The following UBAP1L variants were observed in gnomAD, a reference collection of about 807,000 sequenced individuals.
UBAP1L encodes the protein ubiquitin-associated protein 1-like.
Under a neutral mutation model 32.1 loss-of-function variants are expected in UBAP1L, and 32 were observed. The observed-to-expected ratio is 1.00, with a 90% confidence interval of 0.75 to 1.34. The LOEUF (loss-of-function observed/expected upper bound fraction) is 1.34, where lower values mean the gene tolerates loss of function less well. Among genes scored for constraint, UBAP1L ranks in the 40% most tolerant of loss-of-function variants. The pLI is 0.00. For missense variants in UBAP1L, 516 were observed against 540.5 expected (o/e 0.95, Z 0.45); for synonymous variants, 243 against 250.2 (o/e 0.97, Z 0.27).
chr15:65,113,074 A>C (rs1462247875), intron 1 of UBAP1L, among the ~76,000 whole-genome samples: 1 of 152,054 alleles, frequency 6.6e-6, no homozygotes, highest in East Asian at 1.9e-4. Flanking sequence ...TCAAAACCAA[A>C]ACTAAGCCAC....
At chr15:65,113,849 G>A (rs1369032852) in intron 1 of UBAP1L, among the ~76,000 whole-genome samples, 1 of 152,086 alleles carries the variant, frequency 6.6e-6, no homozygotes. Flanking sequence ...TCTCAAACTT[G>A]GTCAGGTCTA....
At chr15:65,109,440 G>A (rs528579604) in intron 1 of UBAP1L, among the ~76,000 whole-genome samples, 48 of 116,568 alleles carry the variant, frequency 4.1e-4, no homozygotes, top group Admixed American at 3.5e-3. Flanking sequence ...CCGAGATCAC[G>A]CCACTGCACT....
Position 65,102,025 on chromosome 15 carries a change from G to T in UBAP1L, c.699+81C>A. On this transcript the variant is annotated intron_variant, in intron 3 of 5. Transcript: ENST00000559089. The surrounding 1 kb of genome is among the most constrained non-coding windows in gnomAD (Gnocchi z 5.0). Reference sequence around the variant, plus strand: ...GGAGCGCGTGGAGTAGGGGACCGAGGCTGCGGGCTGGGCTGGACACCCAGA... The same window carrying T: ...GGAGCGCGTGGAGTAGGGGACCGAGTCTGCGGGCTGGGCTGGACACCCAGA... The T allele has an allele frequency of 1.7e-6, 1 of 572,062 alleles. No individual in the cohort carries two copies. The highest frequency in any genetic ancestry group is 2.5e-6 in the Non-Finnish European group (1 of 397,142). 35.4% of individuals were successfully genotyped at this position (572,062 alleles called of 1,614,324 possible). A position where few individuals can be genotyped will look rare whatever the true frequency, so the allele number is the denominator to read the frequency against.
intron 4 of UBAP1L, 144 bp downstream of exon 4, chr15:65,099,361 C>G (rs780410889): frequency 8.2e-6 from 7 of 849,940 alleles, no homozygotes; most frequent in Non-Finnish European, 1.3e-5. Flanking sequence ...TTAGGACAAC[C>G]CTGAGGGGCC....
intron 1 of UBAP1L, among the ~76,000 whole-genome samples, chr15:65,108,472 C>T (rs1160595102): frequency 3.9e-5 from 6 of 152,150 alleles, no homozygotes; most frequent in Admixed American, 2.6e-4. Context: ...GGGCCAGGCA[C>T]GTTGGCTCAT....
intron 3 of UBAP1L, chr15:65,100,006 G>C (rs1298257570): frequency 4.3e-6 from 1 of 234,258 alleles, no homozygotes; most frequent in Non-Finnish European, 8.3e-6. Flanking sequence ...CACTTTGGGA[G>C]GCCAAGGCAG....
intron 4 of UBAP1L, chr15:65,097,011 C>T (rs2087181888): frequency 6.6e-6 from 1 of 152,276 alleles, no homozygotes; most frequent in Non-Finnish European, 1.5e-5. Context: ...GACAGAAATA[C>T]TAACTTGGTG....
At chr15:65,106,036 C>G in intron 2 of UBAP1L, 60 bp downstream of exon 2, 1 of 1,542,506 alleles carries the variant, frequency 6.5e-7, no homozygotes, top group Non-Finnish European at 8.7e-7. Context: ...GGAACAAGGC[C>G]CCATGGACTC....
intron 4 of UBAP1L, chr15:65,098,564 G>A (rs534137330): frequency 2.6e-5 from 4 of 152,302 alleles, no homozygotes; most frequent in South Asian, 2.1e-4. Flanking sequence ...AGGTGGAAGT[G>A]ACTATGTACA....
In UBAP1L at chr15:65,109,536, A is replaced by T. The variant is rs138772409; in HGVS notation, c.-173-3148T>A. Among the ~76,000 whole-genome samples the T allele has an allele frequency of 4.3e-4, 65 of 151,852 alleles. 1 individual carries two copies. The East Asian group carries it at 0.012, about 29-fold the overall frequency. Reference sequence around the variant, plus strand: ...ATTCATCAGAATATACCATTAAGAGAGTTAAAACAAAAACAAAAACAAATC... The same window carrying T: ...ATTCATCAGAATATACCATTAAGAGTGTTAAAACAAAAACAAAAACAAATC... On this transcript the variant is annotated intron_variant, in intron 1 of 5. Coordinates refer to ENST00000559089, the MANE Select transcript of UBAP1L (RefSeq NM_001163692.2).
Position 65,102,265 on chromosome 15 carries a change from G to T in UBAP1L, c.540C>A (p.Gly180=), listed in dbSNP as rs1280783799. 3 of 1,317,474 alleles carry T rather than the reference G, an allele frequency of 2.3e-6. No individual in the cohort carries two copies. Among genetic ancestry groups the T allele is most frequent in the African/African-American group, 3.1e-5 (2 of 63,540 alleles). The allele number at this position is 1,317,474 out of a possible 1,614,324, so 81.6% of individuals were successfully genotyped here. ...RPRALLHGLR[G]HRALSLCPSP... ...TCGGGCACAGGCTCAGCGCGCGGTG[G>T]CCGCGGAGGCCATGCAGGAGGGCGC... Residue 180 remains glycine, a synonymous_variant, in exon 3 of 6, where the codon GGC becomes GGA. Transcript: ENST00000559089. The surrounding 1 kb of genome is among the most constrained non-coding windows in gnomAD (Gnocchi z 5.0).
intron 4 of UBAP1L, chr15:65,097,287 C>T (rs181925863): frequency 7.9e-5 from 12 of 152,450 alleles, no homozygotes; most frequent in African/African-American, 2.9e-4. Flanking sequence ...CCTGAAGGGA[C>T]TGGGGAGGCA....
chr15:65,114,894 T>G (rs1459423333), intron 1 of UBAP1L, among the ~76,000 whole-genome samples: 1 of 152,186 alleles, frequency 6.6e-6, no homozygotes, highest in Non-Finnish European at 1.5e-5. Flanking sequence ...ACTCTTCATG[T>G]GTGGCCAGAT....
At chr15:65,104,964 G>A (rs933982415) in intron 2 of UBAP1L, 5 of 319,524 alleles carry the variant, frequency 1.6e-5, no homozygotes, top group Admixed American at 7.7e-5. Context: ...CCGAGATTGC[G>A]CCACTGCACT....
chr15:65,107,412 A>C (rs1360727102), intron 1 of UBAP1L, among the ~76,000 whole-genome samples: 2 of 151,760 alleles, frequency 1.3e-5, no homozygotes, highest in African/African-American at 4.8e-5. Flanking sequence ...ATGTAAATGG[A>C]CTCTTCTAAA....
intron 1 of UBAP1L, among the ~76,000 whole-genome samples, chr15:65,108,282 GAA>G (rs1033137566): frequency 7.2e-6 from 1 of 138,558 alleles, no homozygotes. Context: ...TCCATCTGGG[GAA>G]AAAAAAAAAC....
chr15:65,105,940 G>A (rs1416155194), intron 2 of UBAP1L, 156 bp downstream of exon 2: 33 of 1,058,638 alleles, frequency 3.1e-5, no homozygotes, highest in East Asian at 5.2e-5. Flanking sequence ...ACAGGCACGC[G>A]TCACCACACC....
chr15:65,099,804 C>A, intron 3 of UBAP1L, 90 bp from the exon 4 acceptor site: 1 of 1,118,596 alleles, frequency 8.9e-7, no homozygotes, highest in Non-Finnish European at 1.3e-6. Flanking sequence ...TTATGTACCA[C>A]CTTCTGTACA....
In UBAP1L at chr15:65,106,690, G is replaced by A. The variant is rs1033877940; in HGVS notation, c.-173-302C>T. 6.1e-5 allele frequency among the ~76,000 whole-genome samples: 9 copies of A among 148,752 alleles called. No individual in the cohort carries two copies. In the South Asian group the frequency reaches 8.5e-4, roughly 14 times the overall value. ...AAGTCTCGCTCTGTCACCCAGGCTG[G>A]AGTGCAGTAGCCTGATCTTGCCTCA... is the stretch of plus-strand genomic sequence containing the variant. On this transcript the variant is annotated intron_variant, in intron 1 of 5. Coordinates refer to ENST00000559089, the MANE Select transcript of UBAP1L (RefSeq NM_001163692.2).
Sources: gnomAD v4.1 joint callset for allele counts (sites outside exome capture counted in the v4.1 genomes callset) on GRCh38, gnomAD v4.1.1 for gene constraint, Gnocchi (gnomAD v3.1) non-coding constraint, MANE v1.5 for transcripts, NCBI Gene and HGNC (gene_info 2026-07-23, HGNC 2026-07-21) for gene names.